GOLGA3: variants seen among roughly 807,000 people sequenced by gnomAD.
GOLGA3 encodes golgin subfamily A member 3.
GOLGA3 carries 75 observed loss-of-function variants against 169.4 expected under a neutral mutation model. The ratio of observed to expected loss-of-function variants is 0.44; its 90% CI spans 0.37 to 0.54. The LOEUF (loss-of-function observed/expected upper bound fraction) is 0.54. Ranked by LOEUF, GOLGA3 falls within the 20% of genes least tolerant of loss-of-function variation. The pLI, the probability that GOLGA3 is intolerant of heterozygous loss-of-function variation, is 0.00. For missense variants in GOLGA3, 1,899 were observed against 1,930.0 expected (o/e 0.98, Z 0.30); for synonymous variants, 824 against 822.4 (o/e 1.00, Z -0.03).
chr12:132,797,284 C>T (rs1209414455), intron 9 of GOLGA3, among the ~76,000 whole-genome samples: 2 of 152,186 alleles, frequency 1.3e-5, no homozygotes. Context: ...AGAGAGCTCC[C>T]TGTACAACTG....
In GOLGA3 at chr12:132,804,575, G is replaced by A. The variant is rs113855954; in HGVS notation, c.1597+141C>T. ...ACCAGTCGAGGAAGGAGGGAGCAGC[G>A]GGGACCAGTCGAGGAAGGAGGAGGG... On this transcript the variant is annotated intron_variant, in intron 7 of 23. Coordinates refer to ENST00000450791, the MANE Select transcript of GOLGA3 (RefSeq NM_001389683.1). This position sits in a 1 kb window ranked among gnomAD's most constrained non-coding sequence, Gnocchi z 4.1. 3.2e-5 allele frequency: 22 copies of A among 682,518 alleles called. 1 individual carries two copies. Among genetic ancestry groups the A allele is most frequent in the African/African-American group, 1.1e-4 (6 of 55,754 alleles). The allele number at this position is 682,518 out of a possible 1,614,324, so 42.3% of individuals were successfully genotyped here. A position where few individuals can be genotyped will look rare whatever the true frequency, so the allele number is the denominator to read the frequency against.
chr12:132,819,101 C>A (rs909238793), intron 2 of GOLGA3, among the ~76,000 whole-genome samples: 2 of 150,650 alleles, frequency 1.3e-5, no homozygotes, highest in Non-Finnish European at 2.9e-5. Flanking sequence ...GAGGGAGGGT[C>A]CTCAGGGGGT....
At chr12:132,814,625 A>G (rs1949875495) in intron 3 of GOLGA3, among the ~76,000 whole-genome samples, 1 of 152,162 alleles carries the variant, frequency 6.6e-6, no homozygotes, top group Non-Finnish European at 1.5e-5. Context: ...CATTACGATA[A>G]GGCTCTGGCG....
intron 13 of GOLGA3, among the ~76,000 whole-genome samples, chr12:132,787,926 C>CCT (rs147957569): frequency 5.5e-5 from 5 of 91,084 alleles, no homozygotes; most frequent in African/African-American, 1.3e-4. Context: ...GGACCCCCCC[C>CCT]GGATGCCCTC....
At chr12:132,780,586 C>T (rs1336152794) in intron 18 of GOLGA3, among the ~76,000 whole-genome samples, 1 of 152,262 alleles carries the variant, frequency 6.6e-6, no homozygotes, top group Non-Finnish European at 1.5e-5. Flanking sequence ...AGCTCATTGG[C>T]CCCAGGCCCT....
intron 18 of GOLGA3, among the ~76,000 whole-genome samples, chr12:132,778,069 A>G (rs1384786628): frequency 6.6e-6 from 1 of 152,240 alleles, no homozygotes; most frequent in Non-Finnish European, 1.5e-5. Context: ...AATAGTTTTT[A>G]TAGTCTTCTT....
chr12:132,778,746 T>C (rs1255553734), intron 18 of GOLGA3, among the ~76,000 whole-genome samples: 1 of 151,142 alleles, frequency 6.6e-6, no homozygotes, highest in Non-Finnish European at 1.5e-5. Context: ...ATACAAAAAA[T>C]TAGCCAGGCA....
rs1265945322 is a variant in GOLGA3 at position 132,787,781 on chromosome 12, C to T, written c.2812-994G>A. ...CCCCTCCCCGGAGACCACGGGACCC[C>T]TCCCCGGAGACCACGGGACCCCTCC... is the stretch of plus-strand genomic sequence containing the variant. On this transcript the variant is annotated intron_variant, in intron 13 of 23. Coordinates refer to ENST00000450791, the MANE Select transcript of GOLGA3 (RefSeq NM_001389683.1). 6.4e-4 allele frequency among the ~76,000 whole-genome samples: 41 copies of T among 64,550 alleles called. 13 individuals are homozygous for T. The highest frequency in any genetic ancestry group is 2.4e-3 in the African/African-American group (35 of 14,396). The allele number at this position is 64,550 out of a possible 152,430, so 42.3% of individuals were successfully genotyped here.
At chr12:132,795,130 T>C (rs984525076) in intron 11 of GOLGA3, among the ~76,000 whole-genome samples, 3 of 145,982 alleles carry the variant, frequency 2.1e-5, no homozygotes, top group Non-Finnish European at 4.5e-5. Flanking sequence ...GAGGTTGCAG[T>C]GAGCCGAGAT....
intron 3 of GOLGA3, among the ~76,000 whole-genome samples, chr12:132,814,866 G>A (rs1390483626): frequency 1.3e-5 from 2 of 152,246 alleles, no homozygotes; most frequent in Admixed American, 6.5e-5. Context: ...GAGTTGCATG[G>A]TACGTGCCAA....
chr12:132,827,264 A>G (rs1233780452), intron 1 of GOLGA3, among the ~76,000 whole-genome samples: 1 of 152,242 alleles, frequency 6.6e-6, no homozygotes, highest in Non-Finnish European at 1.5e-5. Context: ...CTAGTATCCA[A>G]AAGTAAACAC....
chr12:132,799,047 A>C (rs1010546664), intron 8 of GOLGA3, among the ~76,000 whole-genome samples: 8 of 152,172 alleles, frequency 5.3e-5, no homozygotes, highest in African/African-American at 1.9e-4. Context: ...ACTGAAAAGG[A>C]GGTGTGAGGA....
Position 132,808,275 on chromosome 12 carries a change from G to A in GOLGA3, c.794C>T (p.Ala265Val), listed in dbSNP as rs749056680. The change falls in exon 5 of 24, where the codon GCT becomes GTT. Residue 265 changes from alanine to valine, a missense_variant. By Grantham distance (64) the Ala-to-Val change is moderately conservative. Transcript: ENST00000450791. ...NAGNSGGNVPAPDSTKGSLKQ... is the reference protein window; with the variant it reads ...NAGNSGGNVPVPDSTKGSLKQ... ...CAGGGAACCCTTGGTAGAATCGGGA[G>A]CCGGGACATTTCCCCCAGAATTCCC... 3 of 1,614,114 alleles carry A rather than the reference G, an allele frequency of 1.9e-6. No homozygotes were observed. Among genetic ancestry groups the A allele is most frequent in the South Asian group, 2.2e-5 (2 of 91,080 alleles).
chr12:132,826,848 CGAG>C (rs5801994), intron 1 of GOLGA3, among the ~76,000 whole-genome samples: 17,774 of 152,060 alleles, frequency 0.12, 1,358 homozygotes, highest in South Asian at 0.17. Context: ...CTCCGGGCAG[CGAG>C]GAGGAGGAGC....
chr12:132,777,941 T>G lies in GOLGA3; in HGVS notation c.3583-136A>C. 1.1e-6 allele frequency: 1 copy of G among 927,082 alleles called. No homozygotes were observed. The highest frequency in any genetic ancestry group is 1.6e-6 in the Non-Finnish European group (1 of 631,474). The allele number at this position is 927,082 out of a possible 1,614,324, so 57.4% of individuals were successfully genotyped here. On this transcript the variant is annotated intron_variant, in intron 18 of 23. Coordinates refer to ENST00000450791, the MANE Select transcript of GOLGA3 (RefSeq NM_001389683.1). The surrounding 1 kb of genome is among the most constrained non-coding windows in gnomAD (Gnocchi z 4.7). The stretch of plus-strand genomic sequence containing the variant: ...CGGCGTGTGCTTCTCCACAGGCCTG[T>G]CAAGTTCCTTGTAAAGATGAAACCA...
intron 6 of GOLGA3, among the ~76,000 whole-genome samples, chr12:132,806,606 G>C (rs1441314183): frequency 2.6e-5 from 4 of 152,218 alleles, no homozygotes; most frequent in African/African-American, 9.7e-5. Context: ...CTCAGGGCCT[G>C]GGTGCATTCT....
intron 18 of GOLGA3, among the ~76,000 whole-genome samples, chr12:132,779,858 T>TACAC (rs34953502): frequency 2.9e-4 from 33 of 114,144 alleles, no homozygotes; most frequent in African/African-American, 8.4e-4. Flanking sequence ...CCCGCGCACA[T>TACAC]ACACACACCT....
chr12:132,816,026 A>G (rs7298220), intron 3 of GOLGA3, among the ~76,000 whole-genome samples: 147,953 of 152,288 alleles, frequency 0.97, 72,030 homozygotes, highest in South Asian at 1. Flanking sequence ...GTGAAACCCC[A>G]TCTTTGCTAA....
chr12:132,810,231 G>C (rs1949634577), intron 4 of GOLGA3, among the ~76,000 whole-genome samples: 1 of 152,116 alleles, frequency 6.6e-6, no homozygotes, highest in South Asian at 2.1e-4. Context: ...CTGGGTGACA[G>C]AGTGAGACCC....
Sources: gnomAD v4.1 joint callset for allele counts (sites outside exome capture counted in the v4.1 genomes callset) on GRCh38, gnomAD v4.1.1 for gene constraint, Gnocchi (gnomAD v3.1) non-coding constraint, MANE v1.5 for transcripts, NCBI Gene and HGNC (gene_info 2026-07-23, HGNC 2026-07-21) for gene names.